ATP1B3: variants seen among roughly 807,000 people sequenced by gnomAD.
The protein encoded by ATP1B3 is sodium/potassium-transporting ATPase subunit beta-3.
Under a neutral mutation model 30.2 loss-of-function variants are expected in ATP1B3, and 10 were observed. The observed-to-expected ratio is 0.33, with a 90% CI of 0.20 to 0.56. The LOEUF (loss-of-function observed/expected upper bound fraction) is 0.56. Ranked by LOEUF, ATP1B3 falls within the 20% of genes least tolerant of loss-of-function variation. ATP1B3 has a pLI of 0.90. For missense variants in ATP1B3, 238 were observed against 336.7 expected, an observed-to-expected ratio of 0.71 and a Z score of 2.29; for synonymous variants, 113 against 117.0, an observed-to-expected ratio of 0.97 and a Z score of 0.22.
chr3:141,890,086 CTTTTTTTTT>C (rs1245235657), intron 1 of ATP1B3, among the ~76,000 whole-genome samples: 2 of 107,550 alleles, frequency 1.9e-5, no homozygotes, highest in African/African-American at 7.5e-5. Context: ...AATTTTTTTT[CTTTTTTTTT>C]TTTTTTTTTT....
intron 1 of ATP1B3, among the ~76,000 whole-genome samples, chr3:141,882,986 G>A (rs921200424): frequency 2.0e-5 from 3 of 152,082 alleles, no homozygotes; most frequent in Admixed American, 1.3e-4. Context: ...TGTTCTCAAG[G>A]GCTCCTTAGC....
At chr3:141,886,426 A>G (rs1407676382) in intron 1 of ATP1B3, among the ~76,000 whole-genome samples, 3 of 152,172 alleles carry the variant, frequency 2.0e-5, no homozygotes, top group African/African-American at 4.8e-5. Context: ...TTCCTATAAC[A>G]TCTAAAATGT....
chr3:141,893,229 G>A (rs1203361786), intron 1 of ATP1B3, among the ~76,000 whole-genome samples: 1 of 151,966 alleles, frequency 6.6e-6, no homozygotes, highest in Non-Finnish European at 1.5e-5. Context: ...AGCTGGTCTC[G>A]AACTCCTGAT....
intron 5 of ATP1B3, among the ~76,000 whole-genome samples, chr3:141,919,926 A>C (rs1401751631): frequency 6.6e-6 from 1 of 152,132 alleles, no homozygotes; most frequent in Non-Finnish European, 1.5e-5. Flanking sequence ...GCAACAGAGC[A>C]ACTCTGTCTC....
chr3:141,886,024 T>C (rs181789602), intron 1 of ATP1B3, among the ~76,000 whole-genome samples: 3 of 152,212 alleles, frequency 2.0e-5, no homozygotes, highest in East Asian at 3.9e-4. Flanking sequence ...ACTTAAGCAA[T>C]GTAGCCCACT....
intron 6 of ATP1B3, among the ~76,000 whole-genome samples, chr3:141,922,546 G>A (rs1234413440): frequency 4.6e-5 from 7 of 151,890 alleles, no homozygotes; most frequent in Admixed American, 1.3e-4. Context: ...CCAGCTACTC[G>A]GGAGGCTGAG....
rs1934455488 is a variant in ATP1B3 at position 141,915,966 on chromosome 3, T to G, written c.532-4T>G. 1 of 1,601,968 alleles carries G rather than the reference T, an allele frequency of 6.2e-7. No homozygotes were observed. Among genetic ancestry groups the G allele is most frequent in the Non-Finnish European group, 8.5e-7 (1 of 1,173,628 alleles). ...TTAAATTTATCACTATTTCTTAACC[T>G]TAGATAATTGGATTAAAGCCTGAAG... is the stretch of plus-strand genomic sequence containing the variant. On this transcript the variant is annotated splice_region_variant and splice_polypyrimidine_tract_variant and intron_variant, in intron 4 of 6. Transcript: ENST00000286371.
At chr3:141,924,473 G>A (rs770616069) in intron 6 of ATP1B3, among the ~76,000 whole-genome samples, 68 of 151,798 alleles carry the variant, frequency 4.5e-4, no homozygotes, top group Non-Finnish European at 8.1e-4. Flanking sequence ...CAATGGCAAA[G>A]CCCTGTCTCT....
intron 5 of ATP1B3, chr3:141,918,327 G>A (rs1230543425): frequency 6.6e-6 from 1 of 152,276 alleles, no homozygotes; most frequent in African/African-American, 2.4e-5. Flanking sequence ...GATAAGCTTG[G>A]ATGGAGTGCT....
At chr3:141,884,698 G>A (rs1171886847) in intron 1 of ATP1B3, among the ~76,000 whole-genome samples, 1 of 152,162 alleles carries the variant, frequency 6.6e-6, no homozygotes, top group African/African-American at 2.4e-5. Context: ...TTTCTCCCGT[G>A]CTGGATGCTT....
intron 3 of ATP1B3, among the ~76,000 whole-genome samples, chr3:141,913,022 T>G (rs981525908): frequency 1.3e-5 from 2 of 152,162 alleles, no homozygotes; most frequent in Admixed American, 1.3e-4. Context: ...TTGCCCTGGT[T>G]TAAAACATTT....
rs1421500009 is a variant in ATP1B3, at chr3:141,890,090, T to C, written c.109+13180T>C. 5.0e-5 allele frequency among the ~76,000 whole-genome samples: 6 copies of C among 120,226 alleles called. No individual in the cohort carries two copies. In the East Asian group the frequency reaches 1.5e-3, roughly 30 times the overall value. The allele number at this position is 120,226 out of a possible 152,430, so 78.9% of individuals were successfully genotyped here. The stretch of plus-strand genomic sequence containing the variant: ...GCCTGTAATCTAATTTTTTTTCTTT[T>C]TTTTTTTTTTTTTTTTTTGAGACAG... On this transcript the variant is annotated intron_variant, in intron 1 of 6. Coordinates refer to ENST00000286371, the MANE Select transcript of ATP1B3 (RefSeq NM_001679.4).
chr3:141,916,329 G>A (rs1184793937), intron 5 of ATP1B3: 1 of 478,454 alleles, frequency 2.1e-6, no homozygotes, highest in East Asian at 6.3e-5. Context: ...CCTTGTAATT[G>A]ATGGTGTCTT....
intron 1 of ATP1B3, among the ~76,000 whole-genome samples, chr3:141,892,545 C>G (rs1161393301): frequency 6.7e-6 from 1 of 149,818 alleles, no homozygotes; most frequent in African/African-American, 2.5e-5. Flanking sequence ...GTAATCCCAG[C>G]TACTCAGGAG....
chr3:141,919,177 T>C (rs1432611261), intron 5 of ATP1B3, among the ~76,000 whole-genome samples: 1 of 152,224 alleles, frequency 6.6e-6, no homozygotes, highest in Non-Finnish European at 1.5e-5. Flanking sequence ...AATACATATG[T>C]CTTTTATTTT....
intron 5 of ATP1B3, among the ~76,000 whole-genome samples, chr3:141,920,937 C>G (rs1279386188): frequency 2.0e-5 from 3 of 152,110 alleles, no homozygotes; most frequent in Admixed American, 6.6e-5. Flanking sequence ...TTTCATCTGT[C>G]TCTCACCCCA....
At chr3:141,906,151 A>G (rs958546754) in intron 2 of ATP1B3, among the ~76,000 whole-genome samples, 1 of 151,676 alleles carries the variant, frequency 6.6e-6, no homozygotes, top group Admixed American at 6.6e-5. Flanking sequence ...TTTAAAGCCT[A>G]TGTGCAAGGT....
chr3:141,908,090 ATTATAC>A (rs1934295101), intron 3 of ATP1B3, among the ~76,000 whole-genome samples: 3 of 45,692 alleles, frequency 6.6e-5, no homozygotes, highest in South Asian at 7.2e-4. Context: ...TTTTTTTTTT[ATTATAC>A]TTTAAGTTCT....
At chr3:141,887,323 A>T (rs1353259659) in intron 1 of ATP1B3, among the ~76,000 whole-genome samples, 1 of 152,206 alleles carries the variant, frequency 6.6e-6, no homozygotes, top group Non-Finnish European at 1.5e-5. Flanking sequence ...CTTAAATGGG[A>T]TGTGGACTCT....
Sources: allele counts gnomAD v4.1 joint callset (sites outside exome capture counted in the v4.1 genomes callset), GRCh38; gene constraint gnomAD v4.1.1; transcripts MANE v1.5; gene names NCBI Gene and HGNC (gene_info 2026-07-23, HGNC 2026-07-21).